The following CSMD2 variants were observed in gnomAD, a reference collection of about 807,000 sequenced individuals.
CSMD2 encodes the protein CUB and sushi domain-containing protein 2.
A neutral mutation model predicts 398.5 loss-of-function variants in CSMD2; 130 were observed. That is an observed-to-expected ratio of 0.33 (90% CI 0.28 to 0.38). The LOEUF is 0.38. CSMD2 is among the 10% of genes least tolerant of loss of function. CSMD2 has a pLI of 1.00. For synonymous variants in CSMD2, 1,828 were observed against 1,908.5 expected, an observed-to-expected ratio of 0.96 and a Z score of 1.10; for missense variants, 3,829 against 4,764.9, an observed-to-expected ratio of 0.80 and a Z score of 5.78.
intron 7 of CSMD2, among the ~76,000 whole-genome samples, chr1:33,821,658 C>A (rs1012146529): frequency 6.6e-6 from 1 of 152,208 alleles, no homozygotes; most frequent in African/African-American, 2.4e-5. Context: ...ATTCATTGAG[C>A]ACCTACTGTG....
intron 65 of CSMD2, among the ~76,000 whole-genome samples, chr1:33,526,785 T>C (rs1443780080): frequency 1.3e-5 from 2 of 152,238 alleles, no homozygotes; most frequent in East Asian, 3.8e-4. Flanking sequence ...AGGCCACATC[T>C]GCAGTCTGTG....
Position 33,867,431 on chromosome 1 carries a change from G to C in CSMD2, c.921-20435C>G, listed in dbSNP as rs77377981. Among the ~76,000 whole-genome samples, 29 of 152,338 alleles carry C rather than the reference G, an allele frequency of 1.9e-4. No homozygotes were observed. In the East Asian group the frequency reaches 2.1e-3, roughly 11 times the overall value. On this transcript the variant is annotated intron_variant, in intron 5 of 70. Coordinates refer to ENST00000373381, the MANE Select transcript of CSMD2 (RefSeq NM_001281956.2). ...ACCAAGGCCTGAAGCAATGCACACA[G>C]CTAAGCTGTTACTGGACTCCTGACC...
chr1:33,651,468 AG>A (rs1317443152), intron 28 of CSMD2, among the ~76,000 whole-genome samples: 12 of 152,328 alleles, frequency 7.9e-5, no homozygotes, highest in South Asian at 2.1e-4. Flanking sequence ...GAATAAAGCC[AG>A]GGTGGGCAGC....
At chr1:34,013,962 C>A (rs1275627503) in intron 3 of CSMD2, among the ~76,000 whole-genome samples, 1 of 152,184 alleles carries the variant, frequency 6.6e-6, no homozygotes, top group African/African-American at 2.4e-5. Flanking sequence ...GATCTCCGCA[C>A]CCCAAACCTG....
At chr1:34,122,361 G>A (rs528596916) in intron 1 of CSMD2, among the ~76,000 whole-genome samples, 37 of 152,182 alleles carry the variant, frequency 2.4e-4, no homozygotes, top group Admixed American at 8.5e-4. Context: ...TCTCCTCCAG[G>A]CACCGAGGTC....
chr1:33,625,312 C>T (rs1262358943), intron 33 of CSMD2, 58 bp from the exon 34 acceptor site: 4 of 1,489,466 alleles, frequency 2.7e-6, no homozygotes, highest in Non-Finnish European at 2.8e-6. Flanking sequence ...GGCCCAGGGA[C>T]GGACATACAA....
At chr1:33,842,473 T>C (rs1051915858) in intron 6 of CSMD2, among the ~76,000 whole-genome samples, 1 of 152,172 alleles carries the variant, frequency 6.6e-6, no homozygotes, top group African/African-American at 2.4e-5. Context: ...ACTTGACCAC[T>C]ACCACACTTT....
intron 14 of CSMD2, among the ~76,000 whole-genome samples, chr1:33,740,969 G>A (rs1211786566): frequency 6.6e-6 from 1 of 152,216 alleles, no homozygotes; most frequent in African/African-American, 2.4e-5. Flanking sequence ...TTTCTGGCAT[G>A]TGAAAGGGGT....
chr1:33,788,735 A>G (rs1653858712), intron 11 of CSMD2, 23 bp from the exon 12 acceptor site: 1 of 1,393,564 alleles, frequency 7.2e-7, no homozygotes, highest in Admixed American at 1.7e-5. Context: ...AGATATTTAG[A>G]GGTGTGCTCT....
chr1:33,681,329 TC>T (rs1644903006), intron 25 of CSMD2, among the ~76,000 whole-genome samples: 1 of 152,200 alleles, frequency 6.6e-6, no homozygotes, highest in Non-Finnish European at 1.5e-5. Flanking sequence ...TATTTTAAAT[TC>T]TATGGGTGGT....
intron 1 of CSMD2, among the ~76,000 whole-genome samples, chr1:34,106,510 A>G (rs545336307): frequency 6.6e-6 from 1 of 152,054 alleles, no homozygotes; most frequent in Admixed American, 6.6e-5. Context: ...CAAAAGCAAA[A>G]CCCAGGCTCT....
intron 26 of CSMD2, among the ~76,000 whole-genome samples, chr1:33,660,187 C>T (rs748401757): frequency 6.6e-6 from 1 of 152,200 alleles, no homozygotes; most frequent in African/African-American, 2.4e-5. Context: ...TGAGAAGCCT[C>T]GGAGCCCACA....
chr1:33,993,061 A>G (rs139945102), intron 3 of CSMD2, among the ~76,000 whole-genome samples: 17 of 152,228 alleles, frequency 1.1e-4, no homozygotes, highest in Non-Finnish European at 2.1e-4. Context: ...GCATATGTAT[A>G]TGTGTATTGT....
chr1:33,706,648 C>G (rs994491218), intron 22 of CSMD2, among the ~76,000 whole-genome samples: 1 of 152,060 alleles, frequency 6.6e-6, no homozygotes, highest in Non-Finnish European at 1.5e-5. Context: ...GTTGGCACAC[C>G]ACAACAGAGG....
At chr1:34,035,900 A>G (rs1166453142) in intron 2 of CSMD2, among the ~76,000 whole-genome samples, 1 of 152,236 alleles carries the variant, frequency 6.6e-6, no homozygotes, top group Admixed American at 6.5e-5. Context: ...ATGGCAAATA[A>G]GCACATGAAA....
chr1:34,014,548 G>A (rs1463167266), intron 3 of CSMD2, among the ~76,000 whole-genome samples: 1 of 152,234 alleles, frequency 6.6e-6, no homozygotes, highest in East Asian at 1.9e-4. Flanking sequence ...GCCATGGTGT[G>A]GAATCCACAG....
At chr1:33,775,328 G>A (rs1230407882) in intron 12 of CSMD2, among the ~76,000 whole-genome samples, 1 of 152,094 alleles carries the variant, frequency 6.6e-6, no homozygotes, top group Non-Finnish European at 1.5e-5. Context: ...TTCAAATGTT[G>A]ATGTGTTTTA....
chr1:33,795,773 G>A (rs1489247410), intron 10 of CSMD2, among the ~76,000 whole-genome samples: 2 of 152,196 alleles, frequency 1.3e-5, no homozygotes, highest in Non-Finnish European at 2.9e-5. Context: ...CAGGGGTCAG[G>A]CCTCACTGCC....
At chr1:33,786,562 A>T (rs1415547825) in intron 12 of CSMD2, among the ~76,000 whole-genome samples, 1 of 152,186 alleles carries the variant, frequency 6.6e-6, no homozygotes, top group East Asian at 1.9e-4. Flanking sequence ...ATTGCTTTGC[A>T]ATTTGCAACA....
Sources: allele counts gnomAD v4.1 joint callset (sites outside exome capture counted in the v4.1 genomes callset), GRCh38; gene constraint gnomAD v4.1.1; transcripts MANE v1.5; gene names NCBI Gene and HGNC (gene_info 2026-07-23, HGNC 2026-07-21).